NOVA1: variants seen among roughly 807,000 people sequenced by gnomAD.
NOVA1 encodes NOVA alternative splicing regulator 1.
In NOVA1, 7 loss-of-function variants were observed where a neutral mutation model predicts 38.0. The observed-to-expected ratio is 0.18, with a 90% confidence interval of 0.10 to 0.35. NOVA1 has a LOEUF of 0.35. NOVA1 is among the 10% of genes least tolerant of loss of function. NOVA1 has a pLI of 1.00. For synonymous variants in NOVA1, 270 were observed against 232.5 expected, an observed-to-expected ratio of 1.16 and a Z score of -1.47; for missense variants, 460 against 616.0, an observed-to-expected ratio of 0.75 and a Z score of 2.68.
intron 2 of NOVA1, among the ~76,000 whole-genome samples, chr14:26,534,087 T>C (rs1889909573): frequency 6.6e-6 from 1 of 152,154 alleles, no homozygotes; most frequent in Non-Finnish European, 1.5e-5. Flanking sequence ...ATAACTAGCA[T>C]AACTCTGATA....
intron 2 of NOVA1, among the ~76,000 whole-genome samples, chr14:26,586,395 T>C (rs1338305205): frequency 6.6e-6 from 1 of 151,268 alleles, no homozygotes; most frequent in Non-Finnish European, 1.5e-5. Context: ...TTTTACTACG[T>C]TGCCTTACAA....
chr14:26,484,828 C>T (rs902231913), intron 2 of NOVA1, among the ~76,000 whole-genome samples: 14 of 152,132 alleles, frequency 9.2e-5, no homozygotes, highest in Admixed American at 4.6e-4. Context: ...TTTCAGAATG[C>T]CACATGCTCC....
chr14:26,465,829 GA>G (rs1333052082), intron 4 of NOVA1, among the ~76,000 whole-genome samples: 14 of 151,856 alleles, frequency 9.2e-5, no homozygotes, highest in Admixed American at 8.5e-4. Flanking sequence ...GAATAAAACA[GA>G]AAAAAACCCT....
At chr14:26,513,189 A>G (rs1888219589) in intron 2 of NOVA1, among the ~76,000 whole-genome samples, 1 of 152,006 alleles carries the variant, frequency 6.6e-6, no homozygotes. Flanking sequence ...GCGATTCAGC[A>G]TTTAGCAGAA....
chr14:26,522,001 T>C (rs933381172), intron 2 of NOVA1, among the ~76,000 whole-genome samples: 8 of 152,092 alleles, frequency 5.3e-5, no homozygotes, highest in African/African-American at 1.9e-4. Flanking sequence ...TGTTCACCTG[T>C]TAATACTGAT....
At chr14:26,525,969 A>C (rs1889267735) in intron 2 of NOVA1, among the ~76,000 whole-genome samples, 1 of 152,234 alleles carries the variant, frequency 6.6e-6, no homozygotes, top group African/African-American at 2.4e-5. Flanking sequence ...TTAAGTTATA[A>C]GACAAAATTC....
chr14:26,461,625 G>A (rs983913409), intron 4 of NOVA1, among the ~76,000 whole-genome samples: 2 of 151,784 alleles, frequency 1.3e-5, no homozygotes, highest in African/African-American at 4.8e-5. Context: ...ATTGCTAAAC[G>A]ACCTTAAAAA....
At chr14:26,585,452 C>T (rs1476792199) in intron 2 of NOVA1, among the ~76,000 whole-genome samples, 3 of 151,164 alleles carry the variant, frequency 2.0e-5, no homozygotes, top group Non-Finnish European at 3.0e-5. Context: ...AACTTCCCCA[C>T]TATAGTTGGG....
chr14:26,588,690 C>T (rs369346732), intron 2 of NOVA1, among the ~76,000 whole-genome samples: 5 of 151,086 alleles, frequency 3.3e-5, no homozygotes, highest in Admixed American at 2.6e-4. Context: ...TTAAAAATCA[C>T]GGTAAAAGTA....
At chr14:26,473,257 T>A (rs1884728848) in intron 3 of NOVA1, among the ~76,000 whole-genome samples, 1 of 151,606 alleles carries the variant, frequency 6.6e-6, no homozygotes. Flanking sequence ...TTCATTAAGA[T>A]TTTTAAAAAA....
At chr14:26,587,927 T>G (rs1294217522) in intron 2 of NOVA1, among the ~76,000 whole-genome samples, 1 of 151,192 alleles carries the variant, frequency 6.6e-6, no homozygotes, top group Non-Finnish European at 1.5e-5. Context: ...AGCAGCAAAT[T>G]ATTAACAATT....
intron 2 of NOVA1, among the ~76,000 whole-genome samples, chr14:26,511,490 G>A (rs904930279): frequency 6.6e-5 from 10 of 152,116 alleles, no homozygotes; most frequent in East Asian, 3.9e-4. Flanking sequence ...CTTCCTGGCC[G>A]GGCGCGGTGA....
intron 2 of NOVA1, among the ~76,000 whole-genome samples, chr14:26,576,381 A>G (rs1341455420): frequency 1.3e-5 from 2 of 151,588 alleles, no homozygotes; most frequent in African/African-American, 4.8e-5. Context: ...TCTATCAACC[A>G]GAATAATTTT....
In NOVA1 at chr14:26,569,361, C is replaced by T. The variant is rs1162295448; in HGVS notation, c.280+26049G>A. Reference sequence around the variant, plus strand: ...TAATGTATTTTAATTCATTTATTTCCCATTTTCCTCCTCAAAACACAAACA... The same window carrying T: ...TAATGTATTTTAATTCATTTATTTCTCATTTTCCTCCTCAAAACACAAACA... On this transcript the variant is annotated intron_variant, in intron 2 of 4. Transcript: ENST00000539517. Among the ~76,000 whole-genome samples the T allele has an allele frequency of 2.0e-5, 3 of 151,944 alleles. No individual in the cohort carries two copies. In the East Asian group the frequency reaches 5.8e-4, roughly 29 times the overall value.
In NOVA1 at chr14:26,512,390, G is replaced by A. The variant is rs181931314; in HGVS notation, c.281-32247C>T. On this transcript the variant is annotated intron_variant, in intron 2 of 4. Transcript: ENST00000539517. ...TTCTGAGGGAATAGTTTAAAGCAGG[G>A]GTCAGTCAACTAAAGGCTGCAGGCC... Among the ~76,000 whole-genome samples, 105 of 152,186 alleles carry A rather than the reference G, an allele frequency of 6.9e-4. 1 individual carries two copies. Among genetic ancestry groups the A allele is most frequent in the African/African-American group, 2.3e-3 (97 of 41,520 alleles).
rs1882068425 is a variant in NOVA1, at chr14:26,446,360, G to A, written c.*1599C>T. ...GACAAAGATCACAGTTCAGAGAGAG[G>A]CTGGACGAAATTCAGACATGGAGCA... is the stretch of plus-strand genomic sequence containing the variant. On this transcript the variant is annotated 3_prime_UTR_variant, in exon 5 of 5. Transcript: ENST00000539517. The A allele has an allele frequency of 6.6e-6, 1 of 152,648 alleles. No homozygotes were observed. 9.5% of individuals were successfully genotyped at this position (152,648 alleles called of 1,614,324 possible).
intron 2 of NOVA1, among the ~76,000 whole-genome samples, chr14:26,555,190 G>C (rs1891405319): frequency 6.6e-6 from 1 of 152,028 alleles, no homozygotes; most frequent in African/African-American, 2.4e-5. Flanking sequence ...CTGACTTATA[G>C]TTTAATAACA....
At chr14:26,575,939 A>G (rs953961439) in intron 2 of NOVA1, among the ~76,000 whole-genome samples, 1 of 152,050 alleles carries the variant, frequency 6.6e-6, no homozygotes, top group African/African-American at 2.4e-5. Context: ...GAACTCTATC[A>G]ACCAGAATAA....
At chr14:26,518,760 C>T (rs959149335) in intron 2 of NOVA1, among the ~76,000 whole-genome samples, 6 of 151,900 alleles carry the variant, frequency 3.9e-5, no homozygotes, top group Non-Finnish European at 7.4e-5. Flanking sequence ...ATTTTAGTTT[C>T]AACTTTTATT....
Sources: allele counts gnomAD v4.1 joint callset (sites outside exome capture counted in the v4.1 genomes callset), GRCh38; gene constraint gnomAD v4.1.1; transcripts MANE v1.5; gene names NCBI Gene and HGNC (gene_info 2026-07-23, HGNC 2026-07-21).